Variants in STOM observed in about 807,000 individuals in gnomAD.
The protein encoded by STOM is stomatin.
STOM carries 25 observed loss-of-function variants against 30.6 expected under a neutral mutation model. That is an observed-to-expected ratio of 0.82 (90% CI 0.60 to 1.14). The LOEUF is 1.14. STOM is among the 50% of genes most tolerant of loss of function. The probability of loss-of-function intolerance (pLI) is 0.00; values close to 1 mark genes in which losing one functional copy is unlikely to be tolerated. For missense variants in STOM, 292 were observed against 365.2 expected, an observed-to-expected ratio of 0.80 and a Z score of 1.63; for synonymous variants, 118 against 130.8, an observed-to-expected ratio of 0.90 and a Z score of 0.67.
Position 121,355,248 on chromosome 9 carries a change from A to AAAT in STOM, c.166-578_166-576dup, listed in dbSNP as rs1554830893. Among the ~76,000 whole-genome samples, 319 of 131,202 alleles carry AAAT rather than the reference A, an allele frequency of 2.4e-3. 3 individuals carry two copies. Among genetic ancestry groups the AAAT allele is most frequent in the African/African-American group, 5.2e-3 (179 of 34,378 alleles). 86.1% of individuals were successfully genotyped at this position (131,202 alleles called of 152,430 possible). On this transcript the variant is annotated intron_variant, in intron 2 of 6. Transcript: ENST00000286713. ...CTCCGTCTCAAAAAAAAAAAAAAAA[A>AAAT]AATAATAATAATAATAATAATCCCA... is the stretch of plus-strand genomic sequence containing the variant.
rs1044888888 is a variant in STOM at position 121,364,732 on chromosome 9, G to GA, written c.61+5394dup. 1.2e-4 allele frequency among the ~76,000 whole-genome samples: 18 copies of GA among 152,084 alleles called. No individual in the cohort carries two copies. In the Middle Eastern group the frequency reaches 0.014, roughly 115 times the overall value. On this transcript the variant is annotated intron_variant, in intron 1 of 6. Transcript: ENST00000286713. ...TCAAATGTTTCAGGCCATACAAGAG[G>GA]AAAAAAATAGGTGAGAGCAACAGCA...
intron 6 of STOM, among the ~76,000 whole-genome samples, chr9:121,343,945 G>A (rs2064267933): frequency 6.6e-6 from 1 of 152,130 alleles, no homozygotes; most frequent in South Asian, 2.1e-4. Context: ...CATAGGTGGT[G>A]GGGACAGAGA....
At chr9:121,348,485 C>G (rs1464479121) in intron 5 of STOM, among the ~76,000 whole-genome samples, 1 of 152,180 alleles carries the variant, frequency 6.6e-6, no homozygotes, top group Admixed American at 6.5e-5. Context: ...TCCAGTCAAA[C>G]TTTACTTACA....
intron 6 of STOM, among the ~76,000 whole-genome samples, chr9:121,342,526 A>G (rs1291665964): frequency 6.6e-6 from 1 of 152,210 alleles, no homozygotes. Context: ...AATGTATGTT[A>G]GGAAAAGAAT....
intron 1 of STOM, among the ~76,000 whole-genome samples, chr9:121,361,769 T>C (rs1296728920): frequency 1.3e-5 from 2 of 152,168 alleles, no homozygotes; most frequent in Non-Finnish European, 2.9e-5. Context: ...TACTTTGCCA[T>C]AGTTTAGAGC....
At chr9:121,353,559 A>G (rs963948747) in intron 3 of STOM, among the ~76,000 whole-genome samples, 4 of 152,090 alleles carry the variant, frequency 2.6e-5, no homozygotes, top group Non-Finnish European at 5.9e-5. Context: ...ACTGGGACCA[A>G]TGCAATCGTT....
At chr9:121,342,868 G>A (rs113295980) in intron 6 of STOM, among the ~76,000 whole-genome samples, 20 of 152,160 alleles carry the variant, frequency 1.3e-4, no homozygotes, top group Non-Finnish European at 2.6e-4. Flanking sequence ...AAGATCACTC[G>A]AGTAGTAGAC....
intron 3 of STOM, among the ~76,000 whole-genome samples, chr9:121,354,288 A>G (rs957707351): frequency 1.3e-5 from 2 of 152,220 alleles, no homozygotes; most frequent in African/African-American, 4.8e-5. Context: ...TGCTATTGTT[A>G]TACAACTCCT....
intron 6 of STOM, among the ~76,000 whole-genome samples, chr9:121,346,218 C>T (rs927316140): frequency 6.6e-6 from 1 of 152,054 alleles, no homozygotes; most frequent in Non-Finnish European, 1.5e-5. Flanking sequence ...TTGAACTCCT[C>T]ACCTCAGGTG....
At chr9:121,354,002 C>CTGTT (rs1292949114) in intron 3 of STOM, among the ~76,000 whole-genome samples, 1 of 152,188 alleles carries the variant, frequency 6.6e-6, no homozygotes, top group Non-Finnish European at 1.5e-5. Context: ...TTGTAGCTAT[C>CTGTT]TGTTTCCTTG....
chr9:121,347,969 A>G (rs762126928), intron 6 of STOM, 46 bp downstream of exon 6: 6 of 1,557,168 alleles, frequency 3.9e-6, no homozygotes, highest in Non-Finnish European at 5.2e-6. Context: ...AATTATTAAT[A>G]AAAGAGAAAA....
At chr9:121,346,619 G>A (rs2064292161) in intron 6 of STOM, among the ~76,000 whole-genome samples, 1 of 152,172 alleles carries the variant, frequency 6.6e-6, no homozygotes, top group Non-Finnish European at 1.5e-5. Flanking sequence ...GGAGATGATA[G>A]GGCACATTTA....
chr9:121,360,696 C>A (rs1320761412), intron 1 of STOM, among the ~76,000 whole-genome samples: 1 of 152,228 alleles, frequency 6.6e-6, no homozygotes, highest in Non-Finnish European at 1.5e-5. Flanking sequence ...TGCCCCCAGT[C>A]TGGCTAGGCT....
At chr9:121,360,042 G>C (rs903933302) in intron 1 of STOM, among the ~76,000 whole-genome samples, 62 of 152,310 alleles carry the variant, frequency 4.1e-4, no homozygotes, top group African/African-American at 1.5e-3. Flanking sequence ...AGCATTTGGT[G>C]CCTTTTCAAA....
At chr9:121,356,741 G>T (rs1474491414) in intron 1 of STOM, among the ~76,000 whole-genome samples, 1 of 152,136 alleles carries the variant, frequency 6.6e-6, no homozygotes, top group South Asian at 2.1e-4. Flanking sequence ...CCAGCACTTT[G>T]GGAGGCCGAG....
chr9:121,362,552 G>GT lies in STOM; in HGVS notation c.62-6397dup, dbSNP rs1338984485. Among the ~76,000 whole-genome samples the GT allele has an allele frequency of 2.0e-5, 3 of 152,198 alleles. No individual in the cohort carries two copies. The East Asian group carries it at 5.8e-4, about 29-fold the overall frequency. On this transcript the variant is annotated intron_variant, in intron 1 of 6. Transcript: ENST00000286713. Reference sequence around the variant, plus strand: ...GTTTCTGTACCTGCTTATTTCCTGTGTAAGTTAATTTTTCTGAAAAGATGA... The same window carrying GT: ...GTTTCTGTACCTGCTTATTTCCTGTGTTAAGTTAATTTTTCTGAAAAGATGA...
intron 3 of STOM, 38 bp downstream of exon 3, chr9:121,354,563 T>A (rs1308744874): frequency 6.7e-7 from 1 of 1,491,974 alleles, no homozygotes; most frequent in African/African-American, 1.4e-5. Context: ...AAAAGAACTT[T>A]AGTTTTCAGA....
chr9:121,348,260 G>A, intron 5 of STOM, 111 bp from the exon 6 acceptor site: 2 of 1,481,172 alleles, frequency 1.4e-6, no homozygotes, highest in East Asian at 2.3e-5. Context: ...GAGTTGTGGA[G>A]AGACAGTTAC....
chr9:121,352,912 A>C (rs1196553695), intron 4 of STOM, among the ~76,000 whole-genome samples: 1 of 152,052 alleles, frequency 6.6e-6, no homozygotes, highest in East Asian at 1.9e-4. Context: ...CCAACATGGC[A>C]AAATCCCGTG....
Sources: allele counts gnomAD v4.1 joint callset (sites outside exome capture counted in the v4.1 genomes callset), GRCh38; gene constraint gnomAD v4.1.1; transcripts MANE v1.5; gene names NCBI Gene and HGNC (gene_info 2026-07-23, HGNC 2026-07-21).